The following CBL variants were observed in gnomAD, a reference collection of about 807,000 sequenced individuals.
The protein encoded by CBL is Cbl proto-oncogene.
Under a neutral mutation model 96.9 loss-of-function variants are expected in CBL, and 45 were observed. The observed-to-expected ratio is 0.46, with a 90% CI of 0.37 to 0.60. CBL has a LOEUF of 0.60. Among genes scored for constraint, CBL ranks in the 20% least tolerant of loss-of-function variants. The pLI is 0.00. For missense variants in CBL, 1,024 were observed against 1,143.5 expected, an observed-to-expected ratio of 0.90 and a Z score of 1.51; for synonymous variants, 420 against 426.8, an observed-to-expected ratio of 0.98 and a Z score of 0.20.
chr11:119,232,015 T>C (rs1256485646), intron 1 of CBL, among the ~76,000 whole-genome samples: 1 of 151,942 alleles, frequency 6.6e-6, no homozygotes, highest in African/African-American at 2.4e-5. Flanking sequence ...AGTGGGAGGA[T>C]CACCTGAATC....
intron 4 of CBL, 50 bp downstream of exon 4, chr11:119,274,074 G>T: frequency 6.5e-5 from 75 of 1,148,444 alleles, no homozygotes; most frequent in Middle Eastern, 2.3e-4. Flanking sequence ...CTTCGGTGAA[G>T]AGAAAGCTTT....
chr11:119,280,518 C>T (rs1213857096), intron 9 of CBL, among the ~76,000 whole-genome samples: 2 of 152,022 alleles, frequency 1.3e-5, no homozygotes. Flanking sequence ...TCTTCACATC[C>T]TGGTAGATGT....
At chr11:119,264,181 T>G (rs1164220123) in intron 2 of CBL, among the ~76,000 whole-genome samples, 1 of 152,238 alleles carries the variant, frequency 6.6e-6, no homozygotes, top group Non-Finnish European at 1.5e-5. Flanking sequence ...CAAATATTGT[T>G]AAAATACACT....
chr11:119,232,667 A>G lies in CBL; in HGVS notation c.415A>G (p.Arg139Gly), dbSNP rs774626378. ...TISLFKEGKE[R>G]MYEENSQPRR... ...AAGCCTCTTCAAGGAGGGAAAAGAAAGAATGTATGAGGAGAATTCTCAGCC... is the reference window on the plus strand; with the variant it reads ...AAGCCTCTTCAAGGAGGGAAAAGAAGGAATGTATGAGGAGAATTCTCAGCC... Residue 139 changes from arginine to glycine, a missense_variant, in exon 2 of 16, where the codon AGA becomes GGA. Coordinates refer to ENST00000264033, the MANE Select transcript of CBL (RefSeq NM_005188.4). The G allele has an allele frequency of 1.9e-6, 3 of 1,613,842 alleles. No homozygotes were observed. The highest frequency in any genetic ancestry group is 1.7e-6 in the Non-Finnish European group (2 of 1,179,904).
intron 1 of CBL, among the ~76,000 whole-genome samples, chr11:119,218,668 C>T (rs977206940): frequency 1.3e-4 from 20 of 152,282 alleles, no homozygotes; most frequent in South Asian, 6.2e-4. Context: ...ACACTACCCA[C>T]CGGTTAGTCA....
intron 1 of CBL, among the ~76,000 whole-genome samples, chr11:119,225,724 CTT>C (rs57084908): frequency 2.0e-5 from 2 of 102,456 alleles, no homozygotes; most frequent in Non-Finnish European, 3.6e-5. Context: ...TAAATATTTT[CTT>C]TTTTTTTTTT....
At chr11:119,272,024 A>G in intron 3 of CBL, 143 bp downstream of exon 3, 1 of 793,628 alleles carries the variant, frequency 1.3e-6, no homozygotes, top group South Asian at 1.7e-5. Context: ...CTTTGGTTAA[A>G]TATTAAGTTT....
chr11:119,284,874 G>A, intron 9 of CBL, 95 bp from the exon 10 acceptor site: 1 of 1,469,696 alleles, frequency 6.8e-7, no homozygotes, highest in South Asian at 1.1e-5. Context: ...TAGTTTAAGT[G>A]TTCCCATGGT....
chr11:119,262,680 C>T (rs111342481), intron 2 of CBL, among the ~76,000 whole-genome samples: 1 of 152,180 alleles, frequency 6.6e-6, no homozygotes, highest in Admixed American at 6.5e-5. Context: ...ACTTTCCCTG[C>T]CTCTGCCCTT....
chr11:119,296,991 T>C lies in CBL; in HGVS notation c.2110T>C (p.Ser704Pro). Residue 704 changes from serine (S) to proline (P), a missense_variant, in exon 13 of 16, where the codon TCT becomes CCT. This residue lies in a region of CBL where 695 missense variants were observed against 661.6 expected (regional missense o/e 1.05). Coordinates refer to ENST00000264033, the MANE Select transcript of CBL (RefSeq NM_005188.4). ...AGAGGACACAGAGTACATGACTCCC[T>C]CTTCCAGGCCTCTACGGCCTTTGGA... ...GEEDTEYMTP[S>P]SRPLRPLDTS... The C allele has an allele frequency of 6.2e-7, 1 of 1,611,478 alleles. No individual in the cohort carries two copies. The highest frequency in any genetic ancestry group is 8.5e-7 in the Non-Finnish European group (1 of 1,177,538).
rs184568702 is a variant in CBL, at chr11:119,228,349, G to A, written c.196-4099G>A. 5.7e-3 allele frequency among the ~76,000 whole-genome samples: 870 copies of A among 152,164 alleles called. 9 individuals carry two copies. Among genetic ancestry groups the A allele is most frequent in the African/African-American group, 0.016 (667 of 41,532 alleles). On this transcript the variant is annotated intron_variant, in intron 1 of 15. Transcript: ENST00000264033. The stretch of plus-strand genomic sequence containing the variant: ...GCTGAATTTTAATTTTTTAGAAATA[G>A]ACACAAAGCATTTTGGGAGGTCGAG...
intron 12 of CBL, among the ~76,000 whole-genome samples, chr11:119,291,281 A>G (rs1162899971): frequency 6.6e-6 from 1 of 152,174 alleles, no homozygotes; most frequent in Non-Finnish European, 1.5e-5. Context: ...AGTCCCAGCT[A>G]CTGGGGAGGC....
intron 2 of CBL, among the ~76,000 whole-genome samples, chr11:119,252,972 CAT>C (rs1367682555): frequency 9.9e-5 from 15 of 151,044 alleles, no homozygotes; most frequent in African/African-American, 3.7e-4. Flanking sequence ...AAATGATTAA[CAT>C]ATTGTTGGTA....
In CBL at chr11:119,263,211, T is replaced by C. The variant is rs538195532; in HGVS notation, c.444-8524T>C. 5.9e-5 allele frequency among the ~76,000 whole-genome samples: 9 copies of C among 152,310 alleles called. No homozygotes were observed. The South Asian group carries it at 1.9e-3, about 32-fold the overall frequency. ...CGTAGATAGAGTGTTTGGTGGAACA[T>C]TGACTGGTATTAGAAAGGTGAATTA... On this transcript the variant is annotated intron_variant, in intron 2 of 15. Coordinates refer to ENST00000264033, the MANE Select transcript of CBL (RefSeq NM_005188.4).
At chr11:119,286,141 A>G (rs925676989) in intron 11 of CBL, among the ~76,000 whole-genome samples, 25 of 152,100 alleles carry the variant, frequency 1.6e-4, no homozygotes, top group African/African-American at 5.3e-4. Flanking sequence ...TCTACTAAAA[A>G]TACAAAAAAT....
intron 9 of CBL, 142 bp from the exon 10 acceptor site, chr11:119,284,827 G>A (rs1242828278): frequency 2.1e-6 from 2 of 945,250 alleles, no homozygotes; most frequent in Admixed American, 1.8e-5. Flanking sequence ...TTTTTAAGAG[G>A]GTGTGTGCGA....
rs181704442 is a variant in CBL at position 119,237,146 on chromosome 11, C to T, written c.443+4451C>T. ...TATCAGAGTGAGAAAACATAATATA[C>T]ACAGGGTTCAGTACTATCTGTGGTT... On this transcript the variant is annotated intron_variant, in intron 2 of 15. Coordinates refer to ENST00000264033, the MANE Select transcript of CBL (RefSeq NM_005188.4). Among the ~76,000 whole-genome samples, 201 of 152,294 alleles carry T rather than the reference C, an allele frequency of 1.3e-3. 2 individuals carry two copies. The highest frequency in any genetic ancestry group is 4.6e-3 in the African/African-American group (193 of 41,564).
intron 2 of CBL, among the ~76,000 whole-genome samples, chr11:119,251,674 A>G (rs570071291): frequency 4.6e-5 from 7 of 152,362 alleles, no homozygotes; most frequent in Non-Finnish European, 1.0e-4. Flanking sequence ...CTAATGGAAC[A>G]TAGGCTAGAT....
chr11:119,257,380 ATTTG>A lies in CBL; in HGVS notation c.444-14349_444-14346del, dbSNP rs1949719572. Among the ~76,000 whole-genome samples the A allele has an allele frequency of 4.6e-5, 7 of 151,872 alleles. No individual in the cohort carries two copies. The South Asian group carries it at 1.5e-3, about 32-fold the overall frequency. ...GATTAGTGACGTTGATTATTTTTTC[ATTTG>A]TTTGTGGCCACTTGTATATCTTCTT... On this transcript the variant is annotated intron_variant, in intron 2 of 15. Transcript: ENST00000264033.
Sources: gnomAD v4.1 joint callset for allele counts (sites outside exome capture counted in the v4.1 genomes callset) on GRCh38, gnomAD v4.1.1 for gene constraint, gnomAD v4.1.1 regional missense constraint, MANE v1.5 for transcripts, NCBI Gene and HGNC (gene_info 2026-07-23, HGNC 2026-07-21) for gene names.